SMARCC1: variants seen among roughly 807,000 people sequenced by gnomAD.
SMARCC1 encodes SWI/SNF complex subunit SMARCC1.
Under a neutral mutation model 147.4 loss-of-function variants are expected in SMARCC1, and 43 were observed. The observed-to-expected ratio is 0.29, with a 90% CI of 0.23 to 0.38. The LOEUF (loss-of-function observed/expected upper bound fraction) is 0.38, where lower values mean the gene tolerates loss of function less well. SMARCC1 is among the 10% of genes least tolerant of loss of function. The pLI, the probability that SMARCC1 is intolerant of heterozygous loss-of-function variation, is 1.00. For synonymous variants in SMARCC1, 495 were observed against 484.4 expected, an observed-to-expected ratio of 1.02 and a Z score of -0.29; for missense variants, 1,119 against 1,381.1, an observed-to-expected ratio of 0.81 and a Z score of 3.01.
At chr3:47,755,533 C>T (rs1445560074) in intron 2 of SMARCC1, among the ~76,000 whole-genome samples, 1 of 147,972 alleles carries the variant, frequency 6.8e-6, no homozygotes, top group African/African-American at 2.5e-5. Context: ...AAATAAAAAG[C>T]GAATTTAAAA....
Position 47,781,553 on chromosome 3 carries a change from T to A in SMARCC1, c.195+50A>T. The A allele has an allele frequency of 1.5e-6, 2 of 1,376,106 alleles. 1 individual carries two copies. The highest frequency in any genetic ancestry group is 3.0e-5 in the South Asian group (2 of 66,104). 85.2% of individuals were successfully genotyped at this position (1,376,106 alleles called of 1,614,324 possible). ...GAGGCCCGCGAGGCCAGCTGCCGCC[T>A]CCGGCCCCGGTCGCGTGGTCTCCCG... On this transcript the variant is annotated intron_variant, in intron 1 of 27. Coordinates refer to ENST00000254480, the MANE Select transcript of SMARCC1 (RefSeq NM_003074.4).
chr3:47,701,129 A>G (rs1173897948), intron 11 of SMARCC1, 149 bp downstream of exon 11: 1 of 568,542 alleles, frequency 1.8e-6, no homozygotes, highest in South Asian at 3.5e-5. Context: ...ATGATTAAAG[A>G]AAATTAAAAA....
intron 21 of SMARCC1, among the ~76,000 whole-genome samples, chr3:47,645,287 T>TC (rs1029366806): frequency 5.8e-5 from 6 of 103,768 alleles, no homozygotes; most frequent in Admixed American, 1.0e-4. Context: ...CGAGACCCTG[T>TC]CCCCCCCACC....
At chr3:47,759,017 C>CAA (rs144154276) in intron 2 of SMARCC1, among the ~76,000 whole-genome samples, 118 of 146,582 alleles carry the variant, frequency 8.1e-4, no homozygotes, top group East Asian at 1.0e-3. Flanking sequence ...AACTCTGACC[C>CAA]AAAAAAAAAA....
chr3:47,716,008 T>G (rs576068005), intron 7 of SMARCC1, among the ~76,000 whole-genome samples: 1 of 151,102 alleles, frequency 6.6e-6, no homozygotes, highest in Admixed American at 6.7e-5. Context: ...TTAACCAAAA[T>G]AAAACACTGT....
intron 10 of SMARCC1, among the ~76,000 whole-genome samples, chr3:47,704,872 G>A (rs1420466349): frequency 2.6e-5 from 4 of 151,080 alleles, no homozygotes; most frequent in Admixed American, 6.6e-5. Context: ...GGCCAAGATC[G>A]CACCACTGTG....
At chr3:47,740,630 C>T (rs915998740) in intron 3 of SMARCC1, among the ~76,000 whole-genome samples, 1 of 152,062 alleles carries the variant, frequency 6.6e-6, no homozygotes, top group Non-Finnish European at 1.5e-5. Flanking sequence ...TGAGCCAGTG[C>T]GCCGGCCTTT....
chr3:47,710,654 A>G, intron 9 of SMARCC1, 29 bp downstream of exon 9: 1 of 1,609,194 alleles, frequency 6.2e-7, no homozygotes, highest in Non-Finnish European at 8.5e-7. Flanking sequence ...GACAGACTTA[A>G]TGATGAGAAA....
intron 26 of SMARCC1, among the ~76,000 whole-genome samples, chr3:47,597,737 T>C (rs1350284627): frequency 6.6e-6 from 1 of 152,190 alleles, no homozygotes; most frequent in African/African-American, 2.4e-5. Flanking sequence ...GCTGGGACTA[T>C]GGGTGTGAGC....
intron 16 of SMARCC1, 70 bp from the exon 17 acceptor site, chr3:47,676,852 G>T: frequency 1.5e-6 from 2 of 1,356,366 alleles, no homozygotes; most frequent in Non-Finnish European, 2.1e-6. Flanking sequence ...TCATCATCAT[G>T]CCATTAAAAA....
intron 14 of SMARCC1, among the ~76,000 whole-genome samples, chr3:47,682,448 A>T (rs2033665096): frequency 6.6e-6 from 1 of 152,110 alleles, no homozygotes; most frequent in Non-Finnish European, 1.5e-5. Flanking sequence ...CTGGTTAATT[A>T]AAAAAATTTT....
intron 26 of SMARCC1, among the ~76,000 whole-genome samples, chr3:47,592,951 T>G (rs2032209729): frequency 6.7e-6 from 1 of 148,152 alleles, no homozygotes; most frequent in African/African-American, 2.5e-5. Flanking sequence ...TCCTAAGTAG[T>G]TGGGACTACA....
intron 11 of SMARCC1, 87 bp downstream of exon 11, chr3:47,701,191 G>T: frequency 9.0e-7 from 1 of 1,115,704 alleles, no homozygotes; most frequent in South Asian, 1.4e-5. Context: ...CGAGAACTGT[G>T]GACCCACAGC....
In SMARCC1 at chr3:47,707,338, C is replaced by G. The variant is rs1040743724; in HGVS notation, c.919-808G>C. 3.3e-5 allele frequency among the ~76,000 whole-genome samples: 5 copies of G among 150,576 alleles called. No individual in the cohort carries two copies. In the East Asian group the frequency reaches 9.7e-4, roughly 29 times the overall value. Reference sequence around the variant, plus strand: ...AAGAAGGAAAAAAAAAAAAAGTCAACCTTTATAAGTAAAAACTATCCCGGC... The same window carrying G: ...AAGAAGGAAAAAAAAAAAAAGTCAAGCTTTATAAGTAAAAACTATCCCGGC... On this transcript the variant is annotated intron_variant, in intron 9 of 27. Coordinates refer to ENST00000254480, the MANE Select transcript of SMARCC1 (RefSeq NM_003074.4).
At chr3:47,588,531 A>T (rs2032116363) in intron 27 of SMARCC1, among the ~76,000 whole-genome samples, 1 of 152,064 alleles carries the variant, frequency 6.6e-6, no homozygotes, top group Non-Finnish European at 1.5e-5. Flanking sequence ...GGGGAGTGGG[A>T]GGTGTCTGAA....
Position 47,588,260 on chromosome 3 carries a change from A to G in SMARCC1, c.3267T>C (p.Asp1089=). ...QQQPPPPPPA[D]GVPPPPAPGP... Reference sequence around the variant, plus strand: ...CAGGAGCAGGAGGCGGAGGGACCCCATCTGCAGGTGGTGGTGGCGGTGGCT... The same window carrying G: ...CAGGAGCAGGAGGCGGAGGGACCCCGTCTGCAGGTGGTGGTGGCGGTGGCT... Residue 1089 remains aspartate, a synonymous_variant, in exon 28 of 28, where the codon GAT becomes GAC. Coordinates refer to ENST00000254480, the MANE Select transcript of SMARCC1 (RefSeq NM_003074.4). The G allele has an allele frequency of 6.2e-7, 1 of 1,613,958 alleles. No individual in the cohort carries two copies. Among genetic ancestry groups the G allele is most frequent in the African/African-American group, 1.3e-5 (1 of 75,046 alleles).
In SMARCC1 at chr3:47,781,762, TGTCCCCGGCCCG is replaced by T; in HGVS notation, c.24_35del (p.Gly9_Thr12del). 2 of 1,491,800 alleles carry T rather than the reference TGTCCCCGGCCCG, an allele frequency of 1.3e-6. No homozygotes were observed. Among genetic ancestry groups the T allele is most frequent in the African/African-American group, 2.9e-5 (2 of 68,392 alleles). 92.4% of individuals were successfully genotyped at this position (1,491,800 alleles called of 1,614,324 possible). A position where few individuals can be genotyped will look rare whatever the true frequency, so the allele number is the denominator to read the frequency against. ...TCCCCGAGCCCGTGGCGCCTACCGCTGTCCCCGGCCCGCCGCCGCCCGCCGCTGCGGCCATCG... is the reference window on the plus strand; with the variant it reads ...TCCCCGAGCCCGTGGCGCCTACCGCTCCGCCGCCCGCCGCTGCGGCCATCG... On this transcript the variant is annotated inframe_deletion, in exon 1 of 28. Transcript: ENST00000254480.
chr3:47,623,177 A>T (rs1262388539), intron 24 of SMARCC1, among the ~76,000 whole-genome samples: 1 of 19,554 alleles, frequency 5.1e-5, no homozygotes, highest in Non-Finnish European at 1.6e-4. Flanking sequence ...GGTTCTTCAT[A>T]AAAAAAAAAA....
chr3:47,767,189 G>GAAAA (rs375076788), intron 2 of SMARCC1, among the ~76,000 whole-genome samples: 5 of 80,172 alleles, frequency 6.2e-5, no homozygotes, highest in East Asian at 4.7e-4. Flanking sequence ...TCTCCAAAAA[G>GAAAA]AAAAAAAAAA....
Sources: gnomAD v4.1 joint callset for allele counts (sites outside exome capture counted in the v4.1 genomes callset) on GRCh38, gnomAD v4.1.1 for gene constraint, MANE v1.5 for transcripts, NCBI Gene and HGNC (gene_info 2026-07-23, HGNC 2026-07-21) for gene names.